The following CYP7B1 variants were observed in gnomAD, a reference collection of about 807,000 sequenced individuals.
CYP7B1 encodes the protein cytochrome P450 7B1.
In CYP7B1, 29 loss-of-function variants were observed where a neutral mutation model predicts 42.7. The ratio of observed to expected loss-of-function variants is 0.68; its 90% CI spans 0.51 to 0.93. The LOEUF (loss-of-function observed/expected upper bound fraction) is 0.93. CYP7B1 is among the 40% of genes least tolerant of loss of function. The probability of loss-of-function intolerance (pLI) is 0.00; values close to 1 mark genes in which losing one functional copy is unlikely to be tolerated. For missense variants in CYP7B1, 655 were observed against 600.5 expected, an observed-to-expected ratio of 1.09 and a Z score of -0.95; for synonymous variants, 235 against 218.2, an observed-to-expected ratio of 1.08 and a Z score of -0.68.
rs142287947 is a variant in CYP7B1, at chr8:64,664,177, G to GCA, written c.123-39640_123-39639dup. 2.2e-4 allele frequency among the ~76,000 whole-genome samples: 34 copies of GCA among 151,914 alleles called. No individual in the cohort carries two copies. In the East Asian group the frequency reaches 3.3e-3, roughly 15 times the overall value. ...GGGGGATGTAAGGGTGCATGGGTGT[G>GCA]CACACACACACACGTGTGTGCTGGG... On this transcript the variant is annotated intron_variant, in intron 1 of 5. Coordinates refer to ENST00000310193, the MANE Select transcript of CYP7B1 (RefSeq NM_004820.5).
chr8:64,733,675 T>C (rs1003178856), intron 1 of CYP7B1, among the ~76,000 whole-genome samples: 1 of 152,126 alleles, frequency 6.6e-6, no homozygotes, highest in South Asian at 2.1e-4. Context: ...AGGTCTCAAG[T>C]TAAAAATCAC....
chr8:64,674,830 TG>T (rs1353817955), intron 1 of CYP7B1, among the ~76,000 whole-genome samples: 4 of 152,174 alleles, frequency 2.6e-5, no homozygotes, highest in African/African-American at 9.7e-5. Flanking sequence ...GACTCATCTT[TG>T]TTTAGTTGTA....
At chr8:64,668,018 A>G (rs1806308259) in intron 1 of CYP7B1, among the ~76,000 whole-genome samples, 1 of 152,202 alleles carries the variant, frequency 6.6e-6, no homozygotes, top group Non-Finnish European at 1.5e-5. Flanking sequence ...TCTTCCAAAG[A>G]ATTCTTACAG....
chr8:64,722,745 G>GGC (rs1807259577), intron 1 of CYP7B1, among the ~76,000 whole-genome samples: 3 of 101,718 alleles, frequency 2.9e-5, no homozygotes, highest in Non-Finnish European at 5.8e-5. Flanking sequence ...TTTTGCGGCG[G>GGC]GGGGGGGGGG....
At chr8:64,729,238 T>C (rs1209893844) in intron 1 of CYP7B1, among the ~76,000 whole-genome samples, 2 of 152,212 alleles carry the variant, frequency 1.3e-5, no homozygotes, top group East Asian at 1.9e-4. Context: ...CTTATGATAC[T>C]TGACACATCA....
intron 1 of CYP7B1, among the ~76,000 whole-genome samples, chr8:64,730,228 A>ATT (rs112482663): frequency 4.8e-5 from 7 of 145,482 alleles, no homozygotes; most frequent in South Asian, 2.2e-4. Flanking sequence ...TGTCCGGCTA[A>ATT]TTTTTTTTTT....
intron 1 of CYP7B1, among the ~76,000 whole-genome samples, chr8:64,700,239 C>G (rs1212039654): frequency 6.6e-6 from 1 of 152,104 alleles, no homozygotes; most frequent in Non-Finnish European, 1.5e-5. Flanking sequence ...CACTGTCAAT[C>G]ATTTATACCA....
intron 1 of CYP7B1, among the ~76,000 whole-genome samples, chr8:64,774,060 A>G (rs1328059810): frequency 6.6e-6 from 1 of 152,138 alleles, no homozygotes; most frequent in Non-Finnish European, 1.5e-5. Flanking sequence ...AGCCTAGTTC[A>G]TCCTTATACC....
chr8:64,587,599 A>G (rs980832621), downstream of CYP7B1, among the ~76,000 whole-genome samples: 1 of 152,062 alleles, frequency 6.6e-6, no homozygotes, highest in African/African-American at 2.4e-5. Context: ...CAGCAGGGAA[A>G]CTCTGCTCGC....
chr8:64,769,960 C>T (rs1787095733), intron 1 of CYP7B1, among the ~76,000 whole-genome samples: 1 of 152,160 alleles, frequency 6.6e-6, no homozygotes, highest in Admixed American at 6.5e-5. Context: ...TTCTGAAGTC[C>T]AGCAAGTCCC....
chr8:64,656,351 T>TG (rs1280048809), intron 1 of CYP7B1, among the ~76,000 whole-genome samples: 1 of 152,312 alleles, frequency 6.6e-6, no homozygotes, highest in African/African-American at 2.4e-5. Context: ...GTAAATGTCA[T>TG]GGGGGGTAGA....
At chr8:64,712,023 T>C (rs1807088962) in intron 1 of CYP7B1, among the ~76,000 whole-genome samples, 1 of 152,190 alleles carries the variant, frequency 6.6e-6, no homozygotes, top group Non-Finnish European at 1.5e-5. Context: ...TTAAAAGAGA[T>C]AAAGTCAGCA....
chr8:64,619,877 T>A (rs1387456511), intron 2 of CYP7B1, among the ~76,000 whole-genome samples: 1 of 152,204 alleles, frequency 6.6e-6, no homozygotes, highest in African/African-American at 2.4e-5. Flanking sequence ...TACAAAGATA[T>A]AGATATATAT....
intron 1 of CYP7B1, among the ~76,000 whole-genome samples, chr8:64,702,287 T>C (rs752522642): frequency 7.2e-5 from 11 of 152,138 alleles, no homozygotes; most frequent in Admixed American, 2.6e-4. Flanking sequence ...GTTATGAAAT[T>C]GTGTCAGTAT....
intron 1 of CYP7B1, among the ~76,000 whole-genome samples, chr8:64,657,580 T>A (rs923765621): frequency 6.6e-6 from 1 of 152,178 alleles, no homozygotes; most frequent in Non-Finnish European, 1.5e-5. Flanking sequence ...ACTTGTCACA[T>A]TGCCAAACAG....
intron 4 of CYP7B1, among the ~76,000 whole-genome samples, chr8:64,609,954 A>G (rs1162041020): frequency 3.9e-5 from 6 of 152,128 alleles, no homozygotes; most frequent in African/African-American, 1.4e-4. Flanking sequence ...TGCACCCCAG[A>G]CCAATGCAAT....
chr8:64,648,161 G>C (rs945400727), intron 1 of CYP7B1, among the ~76,000 whole-genome samples: 2 of 152,104 alleles, frequency 1.3e-5, no homozygotes, highest in Non-Finnish European at 2.9e-5. Flanking sequence ...AAAAGTTAGT[G>C]GTACACTGTG....
At chr8:64,598,422 C>T (rs1805149796) in intron 5 of CYP7B1, among the ~76,000 whole-genome samples, 1 of 152,180 alleles carries the variant, frequency 6.6e-6, no homozygotes, top group Non-Finnish European at 1.5e-5. Flanking sequence ...CTGCTTCCTC[C>T]TTCACGCTGA....
intron 1 of CYP7B1, among the ~76,000 whole-genome samples, chr8:64,788,023 C>T (rs1301430446): frequency 6.6e-6 from 1 of 152,202 alleles, no homozygotes; most frequent in Non-Finnish European, 1.5e-5. Flanking sequence ...GATCCAATCA[C>T]TTCCCACTGG....
Sources: gnomAD v4.1 joint callset for allele counts (sites outside exome capture counted in the v4.1 genomes callset) on GRCh38, gnomAD v4.1.1 for gene constraint, MANE v1.5 for transcripts, NCBI Gene and HGNC (gene_info 2026-07-23, HGNC 2026-07-21) for gene names.